MAP4K4: variants seen among roughly 807,000 people sequenced by gnomAD.
MAP4K4 encodes the protein mitogen-activated protein kinase kinase kinase kinase 4, also known as HPK/GCK-like kinase HGK.
MAP4K4 carries 38 observed loss-of-function variants against 189.6 expected under a neutral mutation model. The ratio of observed to expected loss-of-function variants is 0.20; its 90% CI spans 0.15 to 0.26. The LOEUF (loss-of-function observed/expected upper bound fraction) is 0.26. Among genes scored for constraint, MAP4K4 ranks in the 10% least tolerant of loss-of-function variants. The pLI is 1.00. For missense variants in MAP4K4, 1,054 were observed against 1,726.9 expected, an observed-to-expected ratio of 0.61 and a Z score of 6.91; for synonymous variants, 610 against 624.3, an observed-to-expected ratio of 0.98 and a Z score of 0.34.
chr2:101,867,454 G>C, intron 20 of MAP4K4, 145 bp downstream of exon 20: 1 of 622,938 alleles, frequency 1.6e-6, no homozygotes, highest in South Asian at 2.0e-5. Flanking sequence ...CTAAACCCCA[G>C]ACATACTTGT....
chr2:101,740,936 T>G (rs992749289), intron 2 of MAP4K4, among the ~76,000 whole-genome samples: 1 of 152,136 alleles, frequency 6.6e-6, no homozygotes, highest in African/African-American at 2.4e-5. Flanking sequence ...GACCCTGAAC[T>G]GTTTACCCTT....
rs1210348902 is a variant in MAP4K4, at chr2:101,892,904, TTCCTCTTG to T, written c.*1658_*1665del. 8 of 456,352 alleles carry T rather than the reference TTCCTCTTG, an allele frequency of 1.8e-5. No homozygotes were observed. In the Admixed American group the frequency reaches 1.9e-4, roughly 11 times the overall value. 28.3% of individuals were successfully genotyped at this position (456,352 alleles called of 1,614,324 possible). A position where few individuals can be genotyped will look rare whatever the true frequency, so the allele number is the denominator to read the frequency against. ...CATGTCACAGTCCTGCCATCTTACT[TTCCTCTTG>T]TCGAGTTCTGAGTGGAAATAACTGC... is the stretch of plus-strand genomic sequence containing the variant. On this transcript the variant is annotated 3_prime_UTR_variant, in exon 33 of 33. Coordinates refer to ENST00000324219, the Ensembl canonical transcript of MAP4K4.
At chr2:101,728,125 T>C (rs1404503761) in intron 2 of MAP4K4, among the ~76,000 whole-genome samples, 1 of 152,162 alleles carries the variant, frequency 6.6e-6, no homozygotes, top group Non-Finnish European at 1.5e-5. Context: ...GTAAGTAATC[T>C]CCCTATTTCC....
intron 2 of MAP4K4, among the ~76,000 whole-genome samples, chr2:101,726,164 G>A (rs1320550911): frequency 2.0e-5 from 3 of 152,210 alleles, no homozygotes; most frequent in Non-Finnish European, 1.5e-5. Context: ...TCAAATTGAT[G>A]TCTGTGTTAG....
At chr2:101,746,650 A>T (rs912242099) in intron 2 of MAP4K4, among the ~76,000 whole-genome samples, 4 of 152,166 alleles carry the variant, frequency 2.6e-5, no homozygotes, top group African/African-American at 9.7e-5. Flanking sequence ...CTGTGTGTTT[A>T]ACTGTAAATA....
exon 13 of MAP4K4, chr2:101,856,092 A>G (rs2097443971): frequency 6.4e-7 from 1 of 1,551,660 alleles, no homozygotes; most frequent in East Asian, 2.4e-5. Context: ...GAAGAAGAGG[A>G]GAGGAGACGG....
At chr2:101,699,827 G>C (rs1323391929) in intron 2 of MAP4K4, among the ~76,000 whole-genome samples, 1 of 152,186 alleles carries the variant, frequency 6.6e-6, no homozygotes, top group Non-Finnish European at 1.5e-5. Flanking sequence ...TTGGTTAACT[G>C]TTCGGGCCGG....
chr2:101,803,864 C>G (rs1335868185), intron 3 of MAP4K4, among the ~76,000 whole-genome samples: 2 of 152,160 alleles, frequency 1.3e-5, no homozygotes, highest in Non-Finnish European at 2.9e-5. Context: ...ATTTTTATCT[C>G]CTAGTTATTC....
At chr2:101,847,185 G>T (rs535638435) in intron 12 of MAP4K4, among the ~76,000 whole-genome samples, 62 of 152,202 alleles carry the variant, frequency 4.1e-4, no homozygotes, top group Non-Finnish European at 8.2e-4. Context: ...ACTCATGATT[G>T]TGGTGATGCT....
At chr2:101,775,108 G>C (rs539250093) in intron 2 of MAP4K4, among the ~76,000 whole-genome samples, 22 of 150,250 alleles carry the variant, frequency 1.5e-4, no homozygotes, top group Non-Finnish European at 2.8e-4. Flanking sequence ...CAGTATTTCA[G>C]GACAACCCCG....
chr2:101,698,006 C>T (rs2035217070), exon 1 of MAP4K4: 2 of 1,048,352 alleles, frequency 1.9e-6, no homozygotes, highest in Admixed American at 2.9e-5. Context: ...CGGTCGGCGG[C>T]CTGGTCTGCG....
intron 2 of MAP4K4, among the ~76,000 whole-genome samples, chr2:101,782,012 T>C (rs2150567150): frequency 6.6e-6 from 1 of 152,324 alleles, no homozygotes; most frequent in South Asian, 2.1e-4. Context: ...CTGCCTGACG[T>C]AATATTCCCG....
chr2:101,760,210 G>A (rs937890296), intron 2 of MAP4K4, among the ~76,000 whole-genome samples: 4 of 151,644 alleles, frequency 2.6e-5, no homozygotes, highest in Admixed American at 6.6e-5. Context: ...ATTTTTATAG[G>A]CCGGGTGTGG....
At position 101,784,263 on chromosome 2, in the gene MAP4K4, CGTGT is replaced by C. The variant is rs143119918; in HGVS notation, c.124-6436_124-6433del. ...CATGGTATTTCTCTGTGATGCTCTT[CGTGT>C]GTGTGTGTGTGTGTGTGTGTATGTG... On this transcript the variant is annotated intron_variant, in intron 2 of 32. Coordinates refer to ENST00000324219, the Ensembl canonical transcript of MAP4K4. 5.1e-4 allele frequency among the ~76,000 whole-genome samples: 75 copies of C among 146,614 alleles called. 1 individual carries two copies. Among genetic ancestry groups the C allele is most frequent in the African/African-American group, 1.2e-3 (46 of 38,990 alleles).
chr2:101,856,586 G>A (rs1053494760), intron 13 of MAP4K4, among the ~76,000 whole-genome samples: 7 of 152,080 alleles, frequency 4.6e-5, no homozygotes, highest in Non-Finnish European at 8.8e-5. Context: ...ATATCAGCAT[G>A]TAATTCTGTA....
chr2:101,880,634 G>A (rs112343965), intron 27 of MAP4K4, among the ~76,000 whole-genome samples: 1 of 151,646 alleles, frequency 6.6e-6, no homozygotes, highest in African/African-American at 2.4e-5. Context: ...TCAGCCTCCC[G>A]AGTAGCTGGG....
intron 2 of MAP4K4, among the ~76,000 whole-genome samples, chr2:101,736,582 GT>G (rs1355016011): frequency 6.6e-6 from 1 of 152,156 alleles, no homozygotes; most frequent in African/African-American, 2.4e-5. Flanking sequence ...ATCCTTATGT[GT>G]TTTGAGTATA....
chr2:101,867,826 T>C, intron 20 of MAP4K4: 1 of 549,394 alleles, frequency 1.8e-6, no homozygotes, highest in African/African-American at 1.9e-5. Context: ...CTTCTCACCC[T>C]TCTCTTTTAA....
chr2:101,799,270 T>C (rs2094129825), intron 3 of MAP4K4, among the ~76,000 whole-genome samples: 1 of 152,236 alleles, frequency 6.6e-6, no homozygotes, highest in African/African-American at 2.4e-5. Flanking sequence ...GAATTAAAAT[T>C]AATGTAAAGT....
Sources: allele counts gnomAD v4.1 joint callset (sites outside exome capture counted in the v4.1 genomes callset), GRCh38; gene constraint gnomAD v4.1.1; transcripts MANE v1.5; gene names NCBI Gene and HGNC (gene_info 2026-07-23, HGNC 2026-07-21).